SLC12A9: variants seen among roughly 807,000 people sequenced by gnomAD.
The protein encoded by SLC12A9 is CCC-interacting protein 1.
SLC12A9 carries 55 observed loss-of-function variants against 66.0 expected under a neutral mutation model. The ratio of observed to expected loss-of-function variants is 0.83; its 90% CI spans 0.67 to 1.04. SLC12A9 has a LOEUF of 1.04. SLC12A9 is among the 50% of genes least tolerant of loss of function. The pLI is 0.00. For synonymous variants in SLC12A9, 577 were observed against 569.0 expected, an observed-to-expected ratio of 1.01 and a Z score of -0.20; for missense variants, 1,061 against 1,241.9, an observed-to-expected ratio of 0.85 and a Z score of 2.19.
chr7:100,848,877 C>A (rs927591762), upstream of SLC12A9, among the ~76,000 whole-genome samples: 1 of 148,978 alleles, frequency 6.7e-6, no homozygotes, highest in South Asian at 2.1e-4. Flanking sequence ...CAGAGCTAGA[C>A]TCCATCTCAA....
chr7:100,846,424 G>A (rs572720619), intron 1 of SLC12A9, among the ~76,000 whole-genome samples: 1 of 152,100 alleles, frequency 6.6e-6, no homozygotes, highest in Non-Finnish European at 1.5e-5. Flanking sequence ...AAAATGAGCC[G>A]GGCGTGGTGG....
At position 100,865,929 on chromosome 7, in the gene SLC12A9, C is replaced by G. The variant is rs1252497409; in HGVS notation, c.2069C>G (p.Ala690Gly). Residue 690 changes from alanine (A) to glycine (G), a missense_variant, in exon 14 of 14, where the codon GCC (alanine) becomes GGC (glycine). Physicochemically the swap from Ala to Gly is moderately conservative, Grantham distance 60. Coordinates refer to ENST00000354161, the MANE Select transcript of SLC12A9 (RefSeq NM_020246.4). ...GACTATGTGGCCACGGTGGCCGACGCCCTCAAGATGAACAAGAATGTGGTG... is the reference window on the plus strand; with the variant it reads ...GACTATGTGGCCACGGTGGCCGACGGCCTCAAGATGAACAAGAATGTGGTG... Reference protein sequence around the residue: ...PQDYVATVADALKMNKNVVLA... With the variant: ...PQDYVATVADGLKMNKNVVLA... 1.2e-6 allele frequency: 2 copies of G among 1,613,334 alleles called. No individual in the cohort carries two copies. The highest frequency in any genetic ancestry group is 2.2e-5 in the South Asian group (2 of 91,078).
intron 13 of SLC12A9, 162 bp from the exon 14 acceptor site, chr7:100,865,557 T>A (rs751316054): frequency 6.3e-7 from 1 of 1,584,760 alleles, no homozygotes; most frequent in African/African-American, 1.4e-5. Context: ...AAATGAAAAG[T>A]CTTTATGCAA....
intron 1 of SLC12A9, among the ~76,000 whole-genome samples, chr7:100,845,498 C>T (rs747278027): frequency 2.0e-5 from 3 of 151,928 alleles, no homozygotes; most frequent in Non-Finnish European, 4.4e-5. Flanking sequence ...TACAGGAGCC[C>T]GCCACCATGC....
rs866075445 is a variant in SLC12A9, at chr7:100,837,869, T to G, written n.228+10822T>G. 2.8e-3 allele frequency among the ~76,000 whole-genome samples: 394 copies of G among 138,472 alleles called. 2 individuals are homozygous for G. The highest frequency in any genetic ancestry group is 0.023 in the East Asian group (102 of 4,522). The allele number at this position is 138,472 out of a possible 152,430, so 90.8% of individuals were successfully genotyped here. ...TATTTCAATTTTTTTTTTTTTTTTT[T>G]TTTTTTTTTGAGACAGAGTCTTGCT... On this transcript the variant is annotated intron_variant and non_coding_transcript_variant, in intron 1 of 1. Transcript: ENST00000461016.
chr7:100,855,737 C>T lies in SLC12A9; in HGVS notation c.348C>T (p.Val116=), dbSNP rs554726947. 40 of 1,614,092 alleles carry T rather than the reference C, an allele frequency of 2.5e-5. No homozygotes were observed. The African/African-American group carries it at 2.7e-4, about 11-fold the overall frequency. The change falls in exon 4 of 14, where the codon GTC becomes GTT. Residue 116 remains valine, a synonymous_variant. Transcript: ENST00000354161. The part of the protein sequence containing the change: ...FMISRTLGPE[V]GGSIGLMFYL... ...TCAGCCGCACACTGGGGCCCGAGGT[C>T]GGGGGCAGCATTGGGCTCATGTTCT...
At chr7:100,863,515 C>T (rs951406422) in intron 13 of SLC12A9, among the ~76,000 whole-genome samples, 2 of 152,196 alleles carry the variant, frequency 1.3e-5, no homozygotes, top group Non-Finnish European at 2.9e-5. Context: ...GCAGGCCAGC[C>T]ACTATACACT....
chr7:100,829,291 G>C (rs1233758172), intron 1 of SLC12A9, among the ~76,000 whole-genome samples: 1 of 152,088 alleles, frequency 6.6e-6, no homozygotes, highest in African/African-American at 2.4e-5. Flanking sequence ...CCCAGCCGGA[G>C]GACAGAATCT....
At chr7:100,850,994 A>C (rs534463425), upstream of SLC12A9, among the ~76,000 whole-genome samples, 1 of 152,104 alleles carries the variant, frequency 6.6e-6, no homozygotes, top group Non-Finnish European at 1.5e-5. Context: ...CTGGGATTAC[A>C]GGCGTGAGCC....
chr7:100,834,533 G>C (rs907340620), intron 1 of SLC12A9, among the ~76,000 whole-genome samples: 1 of 152,184 alleles, frequency 6.6e-6, no homozygotes, highest in Admixed American at 6.5e-5. Flanking sequence ...GCGTGTATGT[G>C]TGAGTGTGTG....
Position 100,829,581 on chromosome 7 carries a change from G to A in SLC12A9, n.228+2534G>A, listed in dbSNP as rs189815679. 1.3e-3 allele frequency among the ~76,000 whole-genome samples: 198 copies of A among 152,194 alleles called. 3 individuals are homozygous for A. Among genetic ancestry groups the A allele is most frequent in the African/African-American group, 4.0e-3 (167 of 41,532 alleles). The stretch of plus-strand genomic sequence containing the variant: ...TCACTGGAGCCAGGCAGACCAGGCT[G>A]GAGCTGGGAATTCCCTCCTCCCTCC... On this transcript the variant is annotated intron_variant and non_coding_transcript_variant, in intron 1 of 1. Coordinates refer to the SLC12A9 transcript ENST00000461016.
chr7:100,841,107 A>G (rs1441540585), intron 1 of SLC12A9, among the ~76,000 whole-genome samples: 1 of 152,104 alleles, frequency 6.6e-6, no homozygotes, highest in Non-Finnish European at 1.5e-5. Context: ...GGTGGAATTT[A>G]TATAAAAAGA....
chr7:100,826,892 A>G, exon 1 of SLC12A9: 1 of 1,444,252 alleles, frequency 6.9e-7, no homozygotes. Flanking sequence ...GGGTAGTCAG[A>G]GGCCGGCCCC....
intron 1 of SLC12A9, among the ~76,000 whole-genome samples, chr7:100,829,941 T>A (rs1813510512): frequency 6.6e-6 from 1 of 151,930 alleles, no homozygotes; most frequent in African/African-American, 2.4e-5. Context: ...GGCACGAGAA[T>A]CGCTTGAACC....
At chr7:100,843,597 A>G (rs1166489419) in intron 1 of SLC12A9, among the ~76,000 whole-genome samples, 1 of 152,208 alleles carries the variant, frequency 6.6e-6, no homozygotes, top group Non-Finnish European at 1.5e-5. Flanking sequence ...AAGGTTTCCA[A>G]AGGCTGGCCC....
intron 13 of SLC12A9, chr7:100,865,269 T>C (rs1434831698): frequency 1.3e-6 from 2 of 1,535,810 alleles, no homozygotes; most frequent in East Asian, 2.4e-5. Flanking sequence ...GGTCCATTTT[T>C]TCATCTTCCC....
At chr7:100,842,097 C>G (rs1034883815) in intron 1 of SLC12A9, among the ~76,000 whole-genome samples, 4 of 150,920 alleles carry the variant, frequency 2.7e-5, no homozygotes, top group Admixed American at 2.0e-4. Flanking sequence ...TGCTAACCAC[C>G]AAGACTGCTG....
upstream of SLC12A9, among the ~76,000 whole-genome samples, chr7:100,849,243 C>T (rs1340163869): frequency 6.6e-6 from 1 of 150,982 alleles, no homozygotes; most frequent in Non-Finnish European, 1.5e-5. Context: ...TCCCTTCTTA[C>T]CTAGCTTAAA....
chr7:100,862,908 C>CAAACTG (rs1814849085), intron 13 of SLC12A9, 81 bp downstream of exon 13: 2 of 1,553,900 alleles, frequency 1.3e-6, no homozygotes, highest in Non-Finnish European at 1.8e-6. Flanking sequence ...AGAGAGTCAG[C>CAAACTG]CACAGATTGC....
Sources: allele counts gnomAD v4.1 joint callset (sites outside exome capture counted in the v4.1 genomes callset), GRCh38; gene constraint gnomAD v4.1.1; transcripts MANE v1.5; gene names NCBI Gene and HGNC (gene_info 2026-07-23, HGNC 2026-07-21).